Variants in FHIT observed in about 807,000 individuals in gnomAD.
The protein encoded by FHIT is bis(5'-adenosyl)-triphosphatase.
A neutral mutation model predicts 17.9 loss-of-function variants in FHIT; 19 were observed. The ratio of observed to expected loss-of-function variants is 1.06; its 90% CI spans 0.74 to 1.56. The LOEUF is 1.56. FHIT is among the 40% of genes most tolerant of loss of function. FHIT has a pLI of 0.00. For synonymous variants in FHIT, 81 were observed against 69.7 expected (o/e 1.16, Z -0.81); for missense variants, 248 against 189.2 (o/e 1.31, Z -1.82).
chr3:60,256,822 A>T (rs1227287388), intron 5 of FHIT, among the ~76,000 whole-genome samples: 3 of 152,150 alleles, frequency 2.0e-5, no homozygotes, highest in Non-Finnish European at 4.4e-5. Context: ...TCTCTTCAAC[A>T]CAAATTTCCA....
chr3:60,408,395 C>G (rs1488833605), intron 5 of FHIT, among the ~76,000 whole-genome samples: 1 of 152,154 alleles, frequency 6.6e-6, no homozygotes, highest in Non-Finnish European at 1.5e-5. Flanking sequence ...AGGACAACTA[C>G]CTGCGTCCAC....
At chr3:59,828,916 T>G in intron 8 of FHIT, among the ~76,000 whole-genome samples, 1 of 150,668 alleles carries the variant, frequency 6.6e-6, no homozygotes, top group East Asian at 2.0e-4. Flanking sequence ...ACAAATTTAT[T>G]CACAGAACTC....
intron 5 of FHIT, among the ~76,000 whole-genome samples, chr3:60,331,230 C>G (rs1709957010): frequency 6.6e-6 from 1 of 152,190 alleles, no homozygotes; most frequent in Non-Finnish European, 1.5e-5. Flanking sequence ...ACTCATCCAT[C>G]AGCTTAGCTA....
At chr3:59,879,776 G>T (rs1267245254) in intron 8 of FHIT, among the ~76,000 whole-genome samples, 1 of 152,198 alleles carries the variant, frequency 6.6e-6, no homozygotes, top group African/African-American at 2.4e-5. Flanking sequence ...ATAGTGGAGG[G>T]TTCCTCATAT....
chr3:60,611,554 A>T (rs1553673608), intron 4 of FHIT, among the ~76,000 whole-genome samples: 1 of 152,206 alleles, frequency 6.6e-6, no homozygotes, highest in Admixed American at 6.5e-5. Context: ...AAAGGTATGG[A>T]AAGAAACCAT....
Position 61,083,873 on chromosome 3 carries a change from G to A in FHIT, c.-163-41774C>T, listed in dbSNP as rs182360207. ...TTTGTCTAATAATATTCCATTGTAC[G>A]GATATACCACATTTATTTATCCATT... On this transcript the variant is annotated intron_variant, in intron 2 of 9. Coordinates refer to ENST00000492590, the MANE Select transcript of FHIT (RefSeq NM_002012.4). Among the ~76,000 whole-genome samples the A allele has an allele frequency of 5.3e-5, 8 of 152,080 alleles. No individual in the cohort carries two copies. The East Asian group carries it at 7.7e-4, about 15-fold the overall frequency.
Position 60,546,007 on chromosome 3 carries a change from T to A in FHIT, c.-17-9028A>T, listed in dbSNP as rs189163209. On this transcript the variant is annotated intron_variant, in intron 4 of 9. Coordinates refer to ENST00000492590, the MANE Select transcript of FHIT (RefSeq NM_002012.4). Reference sequence around the variant, plus strand: ...CTACATGTGGATATGTTCCTATTCATTTCACTCCCTTGGTCTTCTTATTCC... The same window carrying A: ...CTACATGTGGATATGTTCCTATTCAATTCACTCCCTTGGTCTTCTTATTCC... 3.5e-4 allele frequency among the ~76,000 whole-genome samples: 53 copies of A among 152,314 alleles called. 1 individual carries two copies. The highest frequency in any genetic ancestry group is 3.5e-3 in the Admixed American group (53 of 15,298).
intron 4 of FHIT, among the ~76,000 whole-genome samples, chr3:60,585,199 A>G (rs1004017434): frequency 1.3e-5 from 2 of 152,002 alleles, no homozygotes; most frequent in East Asian, 3.9e-4. Flanking sequence ...TGAGTGGCCT[A>G]TAACTAATTC....
At chr3:60,614,248 G>A (rs1380800467) in intron 4 of FHIT, among the ~76,000 whole-genome samples, 1 of 152,170 alleles carries the variant, frequency 6.6e-6, no homozygotes, top group East Asian at 1.9e-4. Flanking sequence ...GTACAGAAAT[G>A]AGTAGATATT....
chr3:59,953,941 G>C (rs575123910), intron 7 of FHIT, among the ~76,000 whole-genome samples: 1 of 152,316 alleles, frequency 6.6e-6, no homozygotes, highest in East Asian at 1.9e-4. Context: ...CTGCTTTCAA[G>C]GCCAAACTGC....
intron 3 of FHIT, among the ~76,000 whole-genome samples, chr3:60,981,892 A>G (rs758750142): frequency 2.0e-5 from 3 of 152,112 alleles, no homozygotes; most frequent in South Asian, 2.1e-4. Context: ...CATTGTGCTC[A>G]GCCCTCACCC....
intron 5 of FHIT, among the ~76,000 whole-genome samples, chr3:60,493,395 C>A (rs2107505500): frequency 6.6e-6 from 1 of 152,272 alleles, no homozygotes; most frequent in South Asian, 2.1e-4. Context: ...CCTAAATTTT[C>A]TCATCTTATC....
intron 3 of FHIT, among the ~76,000 whole-genome samples, chr3:61,025,287 A>G (rs72875905): frequency 0.018 from 2,816 of 152,316 alleles, 55 homozygotes; most frequent in Middle Eastern, 0.044. Context: ...GTAAAAGGCT[A>G]AACGTTTCAC....
chr3:59,939,680 T>C (rs1706416404), intron 7 of FHIT, among the ~76,000 whole-genome samples: 1 of 152,218 alleles, frequency 6.6e-6, no homozygotes, highest in East Asian at 1.9e-4. Flanking sequence ...TACAGCCAAC[T>C]CAGGCTTAAC....
chr3:60,945,950 G>C (rs1575733655), intron 3 of FHIT, among the ~76,000 whole-genome samples: 1 of 152,094 alleles, frequency 6.6e-6, no homozygotes. Flanking sequence ...AGTCAGCATA[G>C]TTGTGTGTCC....
intron 7 of FHIT, among the ~76,000 whole-genome samples, chr3:59,955,761 C>T (rs749207179): frequency 6.6e-6 from 1 of 152,148 alleles, no homozygotes; most frequent in Non-Finnish European, 1.5e-5. Context: ...CAACATCTGC[C>T]ATCAGGTCCT....
chr3:59,985,344 C>T (rs1290897028), intron 7 of FHIT, among the ~76,000 whole-genome samples: 3 of 152,096 alleles, frequency 2.0e-5, no homozygotes, highest in Non-Finnish European at 2.9e-5. Flanking sequence ...TTTGCCAAAA[C>T]TCCAGACATA....
intron 5 of FHIT, among the ~76,000 whole-genome samples, chr3:60,307,625 G>A (rs1396951225): frequency 6.6e-6 from 1 of 152,126 alleles, no homozygotes; most frequent in Non-Finnish European, 1.5e-5. Flanking sequence ...AAAACAGCAA[G>A]GGCAAATATT....
intron 2 of FHIT, among the ~76,000 whole-genome samples, chr3:61,185,073 T>C (rs1011399447): frequency 2.9e-4 from 43 of 150,008 alleles, no homozygotes; most frequent in Non-Finnish European, 2.8e-4. Flanking sequence ...ATAGACTTTT[T>C]CCCCCCCACG....
Sources: allele counts gnomAD v4.1 joint callset (sites outside exome capture counted in the v4.1 genomes callset), GRCh38; gene constraint gnomAD v4.1.1; transcripts MANE v1.5; gene names NCBI Gene and HGNC (gene_info 2026-07-23, HGNC 2026-07-21).